The following APELA variants were observed in gnomAD, a reference collection of about 807,000 sequenced individuals.
APELA encodes protein Elabela.
chr4:164,888,462 G>A (rs948134437), intron 2 of APELA, among the ~76,000 whole-genome samples: 2 of 152,186 alleles, frequency 1.3e-5, no homozygotes, highest in Non-Finnish European at 2.9e-5. Flanking sequence ...TTAGTCCTAA[G>A]CTAGAATCAG....
chr4:164,882,731 C>T (rs190950358), intron 2 of APELA, among the ~76,000 whole-genome samples: 25 of 152,092 alleles, frequency 1.6e-4, no homozygotes, highest in African/African-American at 5.3e-4. Flanking sequence ...TATCTCCTAA[C>T]GCTATCCCTC....
intron 2 of APELA, among the ~76,000 whole-genome samples, chr4:164,892,629 A>C (rs1197833955): frequency 6.6e-6 from 1 of 152,184 alleles, no homozygotes; most frequent in Non-Finnish European, 1.5e-5. Flanking sequence ...GGTAACCATA[A>C]AATGACGTGG....
At chr4:164,880,742 T>C (rs1191219921) in intron 2 of APELA, among the ~76,000 whole-genome samples, 1 of 152,194 alleles carries the variant, frequency 6.6e-6, no homozygotes, top group Non-Finnish European at 1.5e-5. Flanking sequence ...TATCCTCAAA[T>C]CACATACCAT....
chr4:164,883,916 TAAA>T (rs35518678), intron 2 of APELA, among the ~76,000 whole-genome samples: 35 of 133,444 alleles, frequency 2.6e-4, no homozygotes, highest in East Asian at 6.4e-4. Context: ...TATTTTGTCT[TAAA>T]AAAAAAAAAA....
intron 2 of APELA, among the ~76,000 whole-genome samples, chr4:164,892,702 T>C (rs2111068156): frequency 6.6e-6 from 1 of 152,338 alleles, no homozygotes; most frequent in African/African-American, 2.4e-5. Context: ...TAATTATTCT[T>C]TAATTCATTT....
intron 2 of APELA, among the ~76,000 whole-genome samples, chr4:164,885,720 G>A (rs1579109538): frequency 6.6e-6 from 1 of 151,762 alleles, no homozygotes; most frequent in Middle Eastern, 3.4e-3. Context: ...CAGCCTGGGT[G>A]ACAGAGTGAG....
chr4:164,881,514 G>A (rs1315206973), intron 2 of APELA, among the ~76,000 whole-genome samples: 1 of 145,164 alleles, frequency 6.9e-6, no homozygotes, highest in South Asian at 2.3e-4. Context: ...ATTACATGCT[G>A]TATGCCGTTC....
At chr4:164,888,997 A>G (rs1730830944) in intron 2 of APELA, among the ~76,000 whole-genome samples, 1 of 147,712 alleles carries the variant, frequency 6.8e-6, no homozygotes, top group Non-Finnish European at 1.5e-5. Flanking sequence ...GTGTGTGTGT[A>G]CCATATATAA....
intron 1 of APELA, 141 bp from the exon 2 acceptor site, chr4:164,878,779 T>C (rs17045728): frequency 0.11 from 44,489 of 395,514 alleles, 2,648 homozygotes; most frequent in Middle Eastern, 0.14. Context: ...ATCACATTGG[T>C]TTTTAATTTT....
At chr4:164,893,000 T>C (rs1395942331) in intron 2 of APELA, among the ~76,000 whole-genome samples, 1 of 152,154 alleles carries the variant, frequency 6.6e-6, no homozygotes, top group South Asian at 2.1e-4. Flanking sequence ...TCTTTTATTC[T>C]TGGTCAGTCT....
intron 2 of APELA, among the ~76,000 whole-genome samples, chr4:164,889,726 G>T (rs1233506418): frequency 2.0e-5 from 3 of 151,970 alleles, no homozygotes; most frequent in Non-Finnish European, 2.9e-5. Flanking sequence ...CATATCTGTG[G>T]GTTTTTCATT....
chr4:164,898,135 C>A (rs967398556), downstream of APELA, among the ~76,000 whole-genome samples: 6 of 151,684 alleles, frequency 4.0e-5, no homozygotes, highest in African/African-American at 1.5e-4. Flanking sequence ...AAGTGATTTG[C>A]CAGCCTCGGC....
At chr4:164,878,067 A>T (rs1730587421) in intron 1 of APELA, among the ~76,000 whole-genome samples, 1 of 152,000 alleles carries the variant, frequency 6.6e-6, no homozygotes. Flanking sequence ...AATTTAGTAC[A>T]CAAAAGTATT....
intron 2 of APELA, among the ~76,000 whole-genome samples, chr4:164,881,884 A>AC (rs1014917879): frequency 2.0e-5 from 3 of 151,904 alleles, no homozygotes; most frequent in African/African-American, 7.3e-5. Context: ...AAAAAAAAAA[A>AC]AAAAGTTAGC....
chr4:164,882,333 C>CCT (rs1382946457), intron 2 of APELA, among the ~76,000 whole-genome samples: 1 of 151,770 alleles, frequency 6.6e-6, no homozygotes, highest in Non-Finnish European at 1.5e-5. Flanking sequence ...GAACTCCCGA[C>CCT]CTCAGGTGAT....
Position 164,877,236 on chromosome 4 carries a change from A to G in APELA, c.-96A>G, listed in dbSNP as rs79608329. 4,727 of 396,974 alleles carry G rather than the reference A, an allele frequency of 0.012. 155 individuals carry two copies. The highest frequency in any genetic ancestry group is 0.078 in the African/African-American group (3,809 of 48,664). The allele number at this position is 396,974 out of a possible 1,614,324, so 24.6% of individuals were successfully genotyped here. A position where few individuals can be genotyped will look rare whatever the true frequency, so the allele number is the denominator to read the frequency against. ...TGGCAGTTCTCTGAGGTTTGTCACT[A>G]GAATGTGAAGACAGCCACACAGATA... On this transcript the variant is annotated 5_prime_UTR_variant, in exon 1 of 3. Coordinates refer to ENST00000507152, the MANE Select transcript of APELA (RefSeq NM_001297550.2).
intron 1 of APELA, among the ~76,000 whole-genome samples, chr4:164,878,715 A>C (rs1227038773): frequency 6.6e-6 from 1 of 152,218 alleles, no homozygotes; most frequent in Non-Finnish European, 1.5e-5. Flanking sequence ...AATAGGAGTA[A>C]AAGAAGATCT....
intron 2 of APELA, among the ~76,000 whole-genome samples, chr4:164,883,501 T>G (rs1375298505): frequency 1.0e-4 from 15 of 150,074 alleles, no homozygotes; most frequent in Non-Finnish European, 2.2e-4. Context: ...TTTTTTTTTT[T>G]TTTTGAGACA....
chr4:164,887,985 T>C (rs1730806358), intron 2 of APELA, among the ~76,000 whole-genome samples: 1 of 152,202 alleles, frequency 6.6e-6, no homozygotes, highest in Non-Finnish European at 1.5e-5. Flanking sequence ...GCTGGCTACT[T>C]GGCCTGCAAA....
Sources: allele counts gnomAD v4.1 joint callset (sites outside exome capture counted in the v4.1 genomes callset), GRCh38; gene constraint gnomAD v4.1.1; transcripts MANE v1.5; gene names NCBI Gene and HGNC (gene_info 2026-07-23, HGNC 2026-07-21).